Variants in ASTN2 observed in about 807,000 individuals in gnomAD.
ASTN2 encodes astrotactin 2, also known as astrotactin-2.
Under a neutral mutation model 139.8 loss-of-function variants are expected in ASTN2, and 54 were observed. The ratio of observed to expected loss-of-function variants is 0.39; its 90% CI spans 0.31 to 0.48. The LOEUF is 0.48. ASTN2 is among the 20% of genes least tolerant of loss of function. The pLI is 0.95. For synonymous variants in ASTN2, 756 were observed against 719.5 expected (o/e 1.05, Z -0.81); for missense variants, 1,565 against 1,725.1 (o/e 0.91, Z 1.64).
intron 19 of ASTN2, among the ~76,000 whole-genome samples, chr9:116,595,160 CA>C (rs2131740109): frequency 6.6e-6 from 1 of 152,300 alleles, no homozygotes; most frequent in African/African-American, 2.4e-5. Flanking sequence ...AACTAATTTT[CA>C]GAACAATTTT....
At chr9:116,805,141 T>TGTGC (rs757355735) in intron 13 of ASTN2, among the ~76,000 whole-genome samples, 4 of 151,740 alleles carry the variant, frequency 2.6e-5, no homozygotes, top group African/African-American at 9.7e-5. Flanking sequence ...TGTGTGTGTG[T>TGTGC]GTAGGCAGAC....
At chr9:116,997,924 C>A (rs887515509) in intron 7 of ASTN2, among the ~76,000 whole-genome samples, 1 of 152,090 alleles carries the variant, frequency 6.6e-6, no homozygotes, top group Non-Finnish European at 1.5e-5. Flanking sequence ...TGGCTGTTGT[C>A]TAACACTCCA....
intron 20 of ASTN2, among the ~76,000 whole-genome samples, chr9:116,459,116 T>C (rs1848412164): frequency 6.6e-6 from 1 of 152,044 alleles, no homozygotes; most frequent in African/African-American, 2.4e-5. Flanking sequence ...TTATGGTCAA[T>C]TGTTTTTCAA....
intron 3 of ASTN2, among the ~76,000 whole-genome samples, chr9:117,203,533 G>T (rs1390342719): frequency 6.6e-6 from 1 of 151,670 alleles, no homozygotes; most frequent in Non-Finnish European, 1.5e-5. Context: ...GGGGGCCTTT[G>T]TTGTTGTTGT....
chr9:116,476,068 C>A (rs142557060), intron 20 of ASTN2, among the ~76,000 whole-genome samples: 140 of 152,244 alleles, frequency 9.2e-4, no homozygotes, highest in African/African-American at 3.3e-3. Flanking sequence ...AGAGGCTAGA[C>A]GTGTGAAATC....
rs1306397698 is a variant in ASTN2 at position 117,120,018 on chromosome 9, G to GTGTATATATATATA, written c.1168+21307_1168+21308insTATATATATATACA. 5.7e-3 allele frequency among the ~76,000 whole-genome samples: 263 copies of GTGTATATATATATA among 45,948 alleles called. 1 individual carries two copies. Among genetic ancestry groups the GTGTATATATATATA allele is most frequent in the Non-Finnish European group, 8.1e-3 (208 of 25,522 alleles). The allele number at this position is 45,948 out of a possible 152,430, so 30.1% of individuals were successfully genotyped here. The stretch of plus-strand genomic sequence containing the variant: ...TGTGTGTGTGTGTGTGTGTGTGTGT[G>GTGTATATATATATA]TATATATATATATATATATATATAT... On this transcript the variant is annotated intron_variant, in intron 4 of 22. Coordinates refer to ENST00000313400, the MANE Select transcript of ASTN2 (RefSeq NM_001365068.1).
At chr9:117,298,389 G>A (rs1025734327) in intron 1 of ASTN2, among the ~76,000 whole-genome samples, 2 of 152,126 alleles carry the variant, frequency 1.3e-5, no homozygotes, top group African/African-American at 4.8e-5. Context: ...CCAACTGCTT[G>A]AATTTGCATC....
intron 19 of ASTN2, chr9:116,584,701 G>C (rs1240742148): frequency 6.6e-6 from 1 of 152,122 alleles, no homozygotes. Flanking sequence ...ACAGCAATTA[G>C]ACAAGTAATA....
At chr9:116,929,350 C>G in intron 10 of ASTN2, among the ~76,000 whole-genome samples, 1 of 152,108 alleles carries the variant, frequency 6.6e-6, no homozygotes, top group African/African-American at 2.4e-5. Flanking sequence ...CTAAGTCAGG[C>G]CTAGCTACAA....
chr9:117,401,973 G>A (rs1419904909), intron 1 of ASTN2, among the ~76,000 whole-genome samples: 10 of 152,212 alleles, frequency 6.6e-5, no homozygotes, highest in Admixed American at 6.5e-4. Context: ...GAGGCAGCAG[G>A]AAGACCGGTT....
chr9:116,966,174 T>C (rs762161324), intron 10 of ASTN2, among the ~76,000 whole-genome samples: 8 of 152,244 alleles, frequency 5.3e-5, no homozygotes, highest in South Asian at 4.1e-4. Flanking sequence ...TAACTTCTAA[T>C]GCAGATATAA....
intron 11 of ASTN2, among the ~76,000 whole-genome samples, chr9:116,851,908 A>G (rs1382641144): frequency 6.6e-6 from 1 of 152,100 alleles, no homozygotes; most frequent in African/African-American, 2.4e-5. Context: ...AACCAAGTAC[A>G]TCTTTGACTT....
chr9:116,772,694 C>G (rs1293102286), intron 13 of ASTN2, among the ~76,000 whole-genome samples: 1 of 152,208 alleles, frequency 6.6e-6, no homozygotes, highest in Non-Finnish European at 1.5e-5. Context: ...GAGCCCCATT[C>G]CCAGGACTTC....
intron 5 of ASTN2, among the ~76,000 whole-genome samples, chr9:117,048,389 G>A (rs1459903215): frequency 6.6e-6 from 1 of 152,212 alleles, no homozygotes; most frequent in African/African-American, 2.4e-5. Context: ...GCCTGAAGCA[G>A]CTCACTGTGC....
At chr9:117,408,144 T>C (rs1588020591) in intron 1 of ASTN2, among the ~76,000 whole-genome samples, 3 of 132,664 alleles carry the variant, frequency 2.3e-5, no homozygotes, top group African/African-American at 9.3e-5. Flanking sequence ...TTTTTCCTTG[T>C]AGATTTTTTT....
chr9:116,443,180 A>G (rs1847889957), intron 20 of ASTN2, among the ~76,000 whole-genome samples: 1 of 152,222 alleles, frequency 6.6e-6, no homozygotes, highest in Non-Finnish European at 1.5e-5. Context: ...TTCCTGAAGA[A>G]GAAACTTCAG....
At chr9:117,329,653 T>A (rs1391715535) in intron 1 of ASTN2, among the ~76,000 whole-genome samples, 2 of 152,152 alleles carry the variant, frequency 1.3e-5, no homozygotes, top group Admixed American at 1.3e-4. Flanking sequence ...AGAAACCAGA[T>A]GCAATTCCTT....
chr9:117,297,236 C>A (rs149827828), intron 1 of ASTN2, among the ~76,000 whole-genome samples: 106 of 152,278 alleles, frequency 7.0e-4, no homozygotes, highest in African/African-American at 2.6e-3. Flanking sequence ...TGCAAATGAT[C>A]TTTTTCTCAC....
chr9:116,558,305 C>T (rs1283355483), intron 19 of ASTN2, among the ~76,000 whole-genome samples: 1 of 151,992 alleles, frequency 6.6e-6, no homozygotes, highest in Non-Finnish European at 1.5e-5. Context: ...ACTCTAGACC[C>T]TTTACATTTT....
Sources: gnomAD v4.1 joint callset for allele counts (sites outside exome capture counted in the v4.1 genomes callset) on GRCh38, gnomAD v4.1.1 for gene constraint, MANE v1.5 for transcripts, NCBI Gene and HGNC (gene_info 2026-07-23, HGNC 2026-07-21) for gene names.